The following PLXNB2 variants were observed in gnomAD, a reference collection of about 807,000 sequenced individuals.
PLXNB2 encodes the protein plexin B2.
A neutral mutation model predicts 202.6 loss-of-function variants in PLXNB2; 85 were observed. That is an observed-to-expected ratio of 0.42 (90% CI 0.35 to 0.50). The LOEUF is 0.50. Ranked by LOEUF, PLXNB2 falls within the 20% of genes least tolerant of loss-of-function variation. The pLI is 0.02. For missense variants in PLXNB2, 2,063 were observed against 2,586.2 expected, an observed-to-expected ratio of 0.80 and a Z score of 4.39; for synonymous variants, 1,239 against 1,137.6, an observed-to-expected ratio of 1.09 and a Z score of -1.79.
At position 50,289,782 on chromosome 22, in the gene PLXNB2, T is replaced by A. The variant is rs374601429; in HGVS notation, c.803A>T (p.Asp268Val). The A allele has an allele frequency of 1.9e-6, 3 of 1,612,730 alleles. No individual in the cohort carries two copies. The highest frequency in any genetic ancestry group is 2.5e-6 in the Non-Finnish European group (3 of 1,179,988). ...SYLEMDLQCR[D>V]PDIHAAAFGT... ...AAAGGCAGCGGCGTGGATGTCGGGG[T>A]CCCGGCACTGCAGGTCCATCTCCAG... Residue 268 changes from aspartate (D) to valine (V), a missense_variant, in exon 3 of 37, where the codon GAC (aspartate) becomes GTC (valine). By Grantham distance (152) the Asp-to-Val change is radical. Transcript: ENST00000359337. This position sits in a 1 kb window ranked among gnomAD's most constrained non-coding sequence, Gnocchi z 8.0.
chr22:50,298,231 TC>T (rs2067415605), intron 1 of PLXNB2, among the ~76,000 whole-genome samples: 1 of 152,096 alleles, frequency 6.6e-6, no homozygotes, highest in South Asian at 2.1e-4. Context: ...AAGGGTCTCC[TC>T]CCCCAACCAG....
chr22:50,290,199 G>C lies in PLXNB2; in HGVS notation c.386C>G (p.Ser129Cys), dbSNP rs762372626. 1 of 1,612,598 alleles carries C rather than the reference G, an allele frequency of 6.2e-7. No homozygotes were observed. Among genetic ancestry groups the C allele is most frequent in the Non-Finnish European group, 8.5e-7 (1 of 1,180,002 alleles). The stretch of plus-strand genomic sequence containing the variant: ...GCCGTCCTCGTAGAACAGGCGGAGG[G>C]AGATGTTGCTCAGGGCGCGCAGAGC... ...ICALRALSNI[S>C]LRLFYEDGSG... Residue 129 changes from serine to cysteine, a missense_variant, in exon 3 of 37, where the codon TCC becomes TGC. Physicochemically the swap from Ser to Cys is moderately radical, Grantham distance 112 (BLOSUM62 -1). Coordinates refer to ENST00000359337, the MANE Select transcript of PLXNB2 (RefSeq NM_012401.4).
Position 50,282,259 on chromosome 22 carries a change from A to G in PLXNB2, c.3042T>C (p.Phe1014=), listed in dbSNP as rs756262715. The part of the protein sequence containing the change: ...TGQGFSLIQR[F]AMVVIAEPLQ... ...GGGGCTCCGCGATGACCACCATGGCAAACCTCTGGATCAGGCTGAAGCCCT... is the reference window on the plus strand; with the variant it reads ...GGGGCTCCGCGATGACCACCATGGCGAACCTCTGGATCAGGCTGAAGCCCT... The change falls in exon 19 of 37, where the codon TTT becomes TTC. Residue 1014 remains phenylalanine (F), a synonymous_variant. Transcript: ENST00000359337. 1.5e-5 allele frequency: 24 copies of G among 1,612,278 alleles called. No individual in the cohort carries two copies. The Admixed American group carries it at 4.0e-4, about 27-fold the overall frequency.
chr22:50,282,110 C>G (rs375696072), intron 19 of PLXNB2, 29 bp from the exon 20 acceptor site: 193 of 1,604,220 alleles, frequency 1.2e-4, no homozygotes, highest in Non-Finnish European at 1.6e-4. Flanking sequence ...TGTCAGCCCC[C>G]GGGCGCAGAC....
rs754115845 is a variant in PLXNB2 at position 50,281,674 on chromosome 22, G to A, written c.3414C>T (p.Thr1138=). ...GGTCGGTCTCCGTCAGCGTCTTCAT[G>A]GTGCAGCGCTCGGCACCCACGAAGG... is the stretch of plus-strand genomic sequence containing the variant. ...AEAFVGAERC[T]MKTLTETDLY... Residue 1138 remains threonine (T), a synonymous_variant, in exon 21 of 37, where the codon ACC becomes ACT. Coordinates refer to ENST00000359337, the MANE Select transcript of PLXNB2 (RefSeq NM_012401.4). 9.5e-6 allele frequency: 15 copies of A among 1,580,378 alleles called. No individual in the cohort carries two copies. The highest frequency in any genetic ancestry group is 1.3e-5 in the African/African-American group (1 of 74,130).
In PLXNB2 at chr22:50,281,418, A is replaced by G. The variant is rs2065981936; in HGVS notation, c.3604T>C (p.Leu1202=). 1 of 1,612,400 alleles carries G rather than the reference A, an allele frequency of 6.2e-7. No homozygotes were observed. Among genetic ancestry groups the G allele is most frequent in the African/African-American group, 1.3e-5 (1 of 74,902 alleles). The change falls in exon 22 of 37, where the codon TTG becomes CTG. Residue 1202 remains leucine (L), a synonymous_variant. Coordinates refer to ENST00000359337, the MANE Select transcript of PLXNB2 (RefSeq NM_012401.4). Reference sequence around the variant, plus strand: ...ACCATGGGCACGATGACCAGCGGCAAGATGAGGCTGAGCGGCACGTCGCTC... The same window carrying G: ...ACCATGGGCACGATGACCAGCGGCAGGATGAGGCTGAGCGGCACGTCGCTC... The part of the protein sequence containing the change: ...RVSDVPLSLI[L]PLVIVPMVVV...
rs1441846538 is a variant in PLXNB2, at chr22:50,289,726, G to A, written c.859C>T (p.Pro287Ser). The A allele has an allele frequency of 6.2e-7, 1 of 1,612,072 alleles. No individual in the cohort carries two copies. The highest frequency in any genetic ancestry group is 8.5e-7 in the Non-Finnish European group (1 of 1,179,950). The part of the protein sequence containing the change: ...GTCLAASVAA[P>S]GSGRVLYAVF... ...GCATATAGCACCCTGCCAGAGCCAG[G>A]CGCAGCCACGGAGGCGGCCAGGCAG... The change falls in exon 3 of 37, where the codon CCT becomes TCT. Residue 287 changes from proline to serine, a missense_variant. Coordinates refer to ENST00000359337, the MANE Select transcript of PLXNB2 (RefSeq NM_012401.4). This position sits in a 1 kb window ranked among gnomAD's most constrained non-coding sequence, Gnocchi z 8.0.
At chr22:50,304,385 CTT>C in intron 1 of PLXNB2, among the ~76,000 whole-genome samples, 2 of 152,194 alleles carry the variant, frequency 1.3e-5, no homozygotes, top group African/African-American at 2.4e-5. Context: ...CACGCTTGGT[CTT>C]CAGAGAGAAG....
intron 1 of PLXNB2, among the ~76,000 whole-genome samples, chr22:50,301,123 C>T (rs1004386669): frequency 3.3e-5 from 5 of 152,210 alleles, no homozygotes; most frequent in East Asian, 1.9e-4. Context: ...GGCCCACTGG[C>T]GCATCTGGAG....
At chr22:50,301,616 C>G (rs2067692946) in intron 1 of PLXNB2, among the ~76,000 whole-genome samples, 1 of 152,170 alleles carries the variant, frequency 6.6e-6, no homozygotes, top group Admixed American at 6.5e-5. Context: ...CTCCCCCTTT[C>G]CAGCTCAACC....
At chr22:50,282,667 C>G in intron 18 of PLXNB2, 44 bp downstream of exon 18, 4 of 1,407,808 alleles carry the variant, frequency 2.8e-6, no homozygotes, top group Non-Finnish European at 3.0e-6. Context: ...GAGGAGGCAG[C>G]TGGGTGTGGG....
rs568682018 is a variant in PLXNB2, at chr22:50,275,521, G to A, written c.*183C>T. 1.6e-4 allele frequency: 106 copies of A among 668,186 alleles called. 2 individuals are homozygous for A. The South Asian group carries it at 1.6e-3, about 10-fold the overall frequency. 41.4% of individuals were successfully genotyped at this position (668,186 alleles called of 1,614,324 possible). ...GCTGGTGCTGGTGCGGTGCCCGGCG[G>A]TATTGCTCAGAGGAAGATGCTACAG... On this transcript the variant is annotated 3_prime_UTR_variant, in exon 37 of 37. Transcript: ENST00000359337.
intron 27 of PLXNB2, 51 bp downstream of exon 27, chr22:50,279,579 C>T (rs1415968594): frequency 6.3e-7 from 1 of 1,589,266 alleles, no homozygotes; most frequent in South Asian, 1.1e-5. Flanking sequence ...TGCCCAAGCT[C>T]CTTAGCCCAG....
chr22:50,276,430 T>TGTGGGCACGGCCGTGGGTGGAGCGACAG (rs1555917018), intron 35 of PLXNB2, among the ~76,000 whole-genome samples, 199 bp downstream of exon 35: 1 of 3,520 alleles, frequency 2.8e-4, no homozygotes, highest in Non-Finnish European at 7.0e-4. Context: ...GGGCAGGGCC[T>TGTGGGCACGGCCGTGGGTGGAGCGACAG]GGCTCCAAGC....
chr22:50,281,300 GGGGCCGAGGCGGGA>G (rs1298914934), intron 22 of PLXNB2, 46 bp downstream of exon 22: 3 of 1,595,364 alleles, frequency 1.9e-6, no homozygotes, highest in Non-Finnish European at 1.7e-6. Context: ...TGAGGCCAGA[GGGGCCGAGGCGGGA>G]GGGCCGAGGG....
At chr22:50,283,494 C>T in intron 15 of PLXNB2, 49 bp from the exon 16 acceptor site, 1 of 1,562,034 alleles carries the variant, frequency 6.4e-7, no homozygotes, top group Non-Finnish European at 8.7e-7. Flanking sequence ...ACCCACCCCA[C>T]ACCCTGACAC....
rs561226481 is a variant in PLXNB2, at chr22:50,275,483, A to G, written c.*221T>C. 1 of 665,184 alleles carries G rather than the reference A, an allele frequency of 1.5e-6. No homozygotes were observed. Among genetic ancestry groups the G allele is most frequent in the Non-Finnish European group, 2.8e-6 (1 of 360,556 alleles). 41.2% of individuals were successfully genotyped at this position (665,184 alleles called of 1,614,324 possible). A position where few individuals can be genotyped will look rare whatever the true frequency, so the allele number is the denominator to read the frequency against. On this transcript the variant is annotated 3_prime_UTR_variant, in exon 37 of 37. Coordinates refer to ENST00000359337, the MANE Select transcript of PLXNB2 (RefSeq NM_012401.4). ...CGATGCTGGTTCTGCGGCCGGAGGG[A>G]GCTGGGGCTGGGGCTGGTGCTGGTG...
At chr22:50,286,589 C>T (rs967392450) in intron 8 of PLXNB2, among the ~76,000 whole-genome samples, 1 of 152,218 alleles carries the variant, frequency 6.6e-6, no homozygotes, top group Non-Finnish European at 1.5e-5. Context: ...GCTTTCATAC[C>T]CTCTGTTCCC....
intron 2 of PLXNB2, among the ~76,000 whole-genome samples, chr22:50,292,681 C>T (rs2066962622): frequency 6.6e-6 from 1 of 151,992 alleles, no homozygotes; most frequent in African/African-American, 2.4e-5. Context: ...TCTCCCGAGC[C>T]TCGGCTTTGG....
Sources: allele counts gnomAD v4.1 joint callset (sites outside exome capture counted in the v4.1 genomes callset), GRCh38; gene constraint gnomAD v4.1.1; non-coding constraint Gnocchi (gnomAD v3.1); transcripts MANE v1.5; gene names NCBI Gene and HGNC (gene_info 2026-07-23, HGNC 2026-07-21).